Variants in OPA1 observed in about 807,000 individuals in gnomAD.
OPA1 encodes the protein dynamin-like GTPase OPA1, mitochondrial.
In OPA1, 59 loss-of-function variants were observed where a neutral mutation model predicts 152.9. The observed-to-expected ratio is 0.39, with a 90% CI of 0.31 to 0.48. The LOEUF is 0.48. Ranked by LOEUF, OPA1 falls within the 20% of genes least tolerant of loss-of-function variation. The pLI is 0.96. For missense variants in OPA1, 1,008 were observed against 1,216.8 expected (o/e 0.83, Z 2.55); for synonymous variants, 400 against 389.9 (o/e 1.03, Z -0.31).
chr3:193,678,253 T>A (rs573750568), intron 29 of OPA1, among the ~76,000 whole-genome samples: 3 of 152,140 alleles, frequency 2.0e-5, no homozygotes, highest in Admixed American at 6.5e-5. Context: ...ATAGACTGTG[T>A]CATATATACA....
chr3:193,671,824 T>C (rs1008951205), intron 29 of OPA1, among the ~76,000 whole-genome samples: 3 of 152,184 alleles, frequency 2.0e-5, no homozygotes, highest in Admixed American at 6.5e-5. Flanking sequence ...TGAAAGTACT[T>C]TAGAGGAAAT....
At chr3:193,693,710 A>G (rs1446721813) in intron 30 of OPA1, among the ~76,000 whole-genome samples, 1 of 152,210 alleles carries the variant, frequency 6.6e-6, no homozygotes, top group Non-Finnish European at 1.5e-5. Flanking sequence ...CAAGCTAAAC[A>G]TAATTTTTGT....
intron 5 of OPA1, among the ~76,000 whole-genome samples, chr3:193,618,046 G>A (rs1729348901): frequency 6.6e-6 from 1 of 152,128 alleles, no homozygotes; most frequent in South Asian, 2.1e-4. Flanking sequence ...AAATATGTAT[G>A]TGTATTATAA....
intron 9 of OPA1, 123 bp from the exon 10 acceptor site, chr3:193,637,072 G>T (rs543297394): frequency 6.1e-5 from 33 of 543,880 alleles, no homozygotes; most frequent in Non-Finnish European, 1.0e-4. Flanking sequence ...TGTAATTTGA[G>T]AAAACAGTAC....
At chr3:193,622,454 C>G (rs186868712) in intron 6 of OPA1, among the ~76,000 whole-genome samples, 171 of 152,200 alleles carry the variant, frequency 1.1e-3, no homozygotes, top group African/African-American at 3.1e-3. Context: ...GTCTTGATCT[C>G]TTGACCTCAT....
At chr3:193,642,897 G>A in intron 12 of OPA1, 52 bp downstream of exon 12, 3 of 1,560,024 alleles carry the variant, frequency 1.9e-6, no homozygotes, top group East Asian at 2.2e-5. Context: ...ACCTGGATGA[G>A]CTTATAAAAG....
At chr3:193,642,060 G>A (rs1462311562) in intron 11 of OPA1, among the ~76,000 whole-genome samples, 1 of 152,236 alleles carries the variant, frequency 6.6e-6, no homozygotes, top group African/African-American at 2.4e-5. Context: ...AGGTTGCAGT[G>A]AGCCGAGATC....
intron 25 of OPA1, among the ~76,000 whole-genome samples, chr3:193,660,172 A>G (rs11914500): frequency 0.014 from 2,187 of 152,144 alleles, 51 homozygotes; most frequent in African/African-American, 0.049. Flanking sequence ...AAAAGATACA[A>G]TTTTTCTTGC....
intron 29 of OPA1, among the ~76,000 whole-genome samples, chr3:193,670,388 C>CTTTTT (rs35561884): frequency 7.1e-6 from 1 of 140,656 alleles, no homozygotes; most frequent in African/African-American, 2.6e-5. Flanking sequence ...TCCCCCCCAC[C>CTTTTT]TTTTTTTTTT....
Position 193,645,586 on chromosome 3 carries a change from A to G in OPA1, c.1642A>G (p.Met548Val). 2 of 1,613,086 alleles carry G rather than the reference A, an allele frequency of 1.2e-6. No homozygotes were observed. The highest frequency in any genetic ancestry group is 2.2e-5 in the East Asian group (1 of 44,740). ...GATAATTGAAGGAAAGCTCTTCCCA[A>G]TGAAAGCTTTAGGTTATTTTGCTGT... ...QQIIEGKLFP[M>V]KALGYFAVVT... Residue 548 changes from methionine (M) to valine (V), a missense_variant, in exon 17 of 31, where the codon ATG becomes GTG. Transcript: ENST00000361510.
At chr3:193,668,407 G>A (rs560492705) in intron 29 of OPA1, 1 of 1,551,040 alleles carries the variant, frequency 6.4e-7, no homozygotes, top group Non-Finnish European at 8.7e-7. Flanking sequence ...TACCTTGTCT[G>A]GGCTCTGACA....
chr3:193,661,996 C>T (rs1332109792), intron 25 of OPA1, among the ~76,000 whole-genome samples: 2 of 151,876 alleles, frequency 1.3e-5, no homozygotes, highest in African/African-American at 2.4e-5. Context: ...GATTTCATAG[C>T]TGTGATAGAG....
chr3:193,677,649 T>G (rs1054752587), intron 29 of OPA1, among the ~76,000 whole-genome samples: 38 of 152,278 alleles, frequency 2.5e-4, no homozygotes, highest in Admixed American at 2.5e-3. Context: ...GTTGGAGAAA[T>G]TAGTTAAATG....
chr3:193,642,603 C>G (rs900695683), intron 11 of OPA1, among the ~76,000 whole-genome samples, 162 bp from the exon 12 acceptor site: 5 of 152,152 alleles, frequency 3.3e-5, no homozygotes, highest in Non-Finnish European at 7.3e-5. Flanking sequence ...ATTGTCTTGT[C>G]AGAACTACCA....
intron 29 of OPA1, among the ~76,000 whole-genome samples, chr3:193,688,577 C>T (rs1721263600): frequency 7.0e-6 from 1 of 143,604 alleles, no homozygotes; most frequent in Admixed American, 7.4e-5. Context: ...TCCCGATTCT[C>T]CCTGAAATGC....
rs78400086 is a variant in OPA1 at position 193,674,034 on chromosome 3, G to C, written c.2983+6754G>C. 7.2e-5 allele frequency among the ~76,000 whole-genome samples: 11 copies of C among 152,258 alleles called. No homozygotes were observed. In the East Asian group the frequency reaches 2.1e-3, roughly 29 times the overall value. ...TGGAGCTTGTGGGGATTAGAGAGTCGGGCTCGCAGCAGCGTGCTCGGCCTC... is the reference window on the plus strand; with the variant it reads ...TGGAGCTTGTGGGGATTAGAGAGTCCGGCTCGCAGCAGCGTGCTCGGCCTC... On this transcript the variant is annotated intron_variant, in intron 29 of 30. Coordinates refer to ENST00000361510, the MANE Select transcript of OPA1 (RefSeq NM_130837.3).
chr3:193,625,785 A>G (rs1731015616), intron 6 of OPA1, among the ~76,000 whole-genome samples: 1 of 152,124 alleles, frequency 6.6e-6, no homozygotes, highest in South Asian at 2.1e-4. Context: ...TTAAAAAAAA[A>G]AAAAAATCAG....
chr3:193,615,630 T>G (rs1268428362), intron 2 of OPA1, 44 bp from the exon 3 acceptor site: 4 of 1,015,810 alleles, frequency 3.9e-6, no homozygotes, highest in Admixed American at 3.4e-5. Context: ...ACATGTTTAT[T>G]TGGCATGCAG....
chr3:193,638,112 C>A (rs371929674), intron 11 of OPA1, 47 bp downstream of exon 11: 2 of 1,271,760 alleles, frequency 1.6e-6, no homozygotes, highest in South Asian at 2.4e-5. Context: ...AGAGTAACTG[C>A]TTCAGTGAGA....
Sources: gnomAD v4.1 joint callset for allele counts (sites outside exome capture counted in the v4.1 genomes callset) on GRCh38, gnomAD v4.1.1 for gene constraint, MANE v1.5 for transcripts, NCBI Gene and HGNC (gene_info 2026-07-23, HGNC 2026-07-21) for gene names.